SYNPR: variants seen among roughly 807,000 people sequenced by gnomAD.
The protein encoded by SYNPR is synaptoporin.
In SYNPR, 23 loss-of-function variants were observed where a neutral mutation model predicts 32.9. The observed-to-expected ratio is 0.70, with a 90% CI of 0.50 to 0.99. SYNPR has a LOEUF of 0.99. Among genes scored for constraint, SYNPR ranks in the 50% least tolerant of loss-of-function variants. SYNPR has a pLI of 0.00. For missense variants in SYNPR, 318 were observed against 349.3 expected, an observed-to-expected ratio of 0.91 and a Z score of 0.71; for synonymous variants, 146 against 135.9, an observed-to-expected ratio of 1.07 and a Z score of -0.52.
chr3:63,298,291 G>T, intron 2 of SYNPR, among the ~76,000 whole-genome samples: 1 of 152,100 alleles, frequency 6.6e-6, no homozygotes, highest in East Asian at 1.9e-4. Context: ...TGCAAAGGTG[G>T]TTTCATCTTC....
At chr3:63,416,356 C>A (rs2088538578) in intron 2 of SYNPR, among the ~76,000 whole-genome samples, 1 of 151,894 alleles carries the variant, frequency 6.6e-6, no homozygotes, top group African/African-American at 2.4e-5. Context: ...CATGGTGAAA[C>A]CCTGCCTCTA....
In SYNPR at chr3:63,498,225, T is replaced by C. The variant is rs1171767806; in HGVS notation, c.209+17269T>C. On this transcript the variant is annotated intron_variant, in intron 3 of 5. Transcript: ENST00000478300. ...CCATCTTAGCTAATTGGATGGGAGG[T>C]GGGCACTAATTTATCAGCCAGTCAA... is the stretch of plus-strand genomic sequence containing the variant. Among the ~76,000 whole-genome samples the C allele has an allele frequency of 2.6e-5, 4 of 152,046 alleles. No individual in the cohort carries two copies. The East Asian group carries it at 7.7e-4, about 29-fold the overall frequency.
At chr3:63,256,180 G>A (rs1260783406) in intron 2 of SYNPR, among the ~76,000 whole-genome samples, 4 of 152,218 alleles carry the variant, frequency 2.6e-5, no homozygotes, top group Non-Finnish European at 1.5e-5. Flanking sequence ...AGAAACCTCT[G>A]TAGACTTAAA....
intron 2 of SYNPR, among the ~76,000 whole-genome samples, chr3:63,363,127 T>C (rs906670830): frequency 6.6e-6 from 1 of 152,206 alleles, no homozygotes; most frequent in Non-Finnish European, 1.5e-5. Flanking sequence ...GAAGCCAGCA[T>C]TATTTCCCAT....
At chr3:63,301,710 A>G (rs1003227650) in intron 2 of SYNPR, among the ~76,000 whole-genome samples, 1 of 152,084 alleles carries the variant, frequency 6.6e-6, no homozygotes, top group Admixed American at 6.6e-5. Flanking sequence ...TGATTTAATG[A>G]GTAGAGTTGA....
At chr3:63,576,500 C>T (rs1033418885) in intron 4 of SYNPR, among the ~76,000 whole-genome samples, 2 of 151,906 alleles carry the variant, frequency 1.3e-5, no homozygotes, top group East Asian at 1.9e-4. Context: ...ATAGAAAACA[C>T]GTTATCTGGG....
At chr3:63,311,912 A>T (rs1355141834) in intron 2 of SYNPR, among the ~76,000 whole-genome samples, 1 of 152,022 alleles carries the variant, frequency 6.6e-6, no homozygotes, top group Non-Finnish European at 1.5e-5. Context: ...GACCTAAGAC[A>T]TACCCATCCT....
intron 3 of SYNPR, among the ~76,000 whole-genome samples, chr3:63,494,421 A>ATATATATATATACGTATATATATATACG (rs1701322674): frequency 2.4e-4 from 5 of 20,886 alleles, no homozygotes; most frequent in Non-Finnish European, 4.5e-4. Context: ...ATATATACGT[A>ATATATATATATACGTATATATATATACG]TATATATATA....
At chr3:63,309,444 A>G (rs1185120997) in intron 2 of SYNPR, among the ~76,000 whole-genome samples, 2 of 152,042 alleles carry the variant, frequency 1.3e-5, no homozygotes, top group Admixed American at 6.6e-5. Flanking sequence ...ATGTTAAAAA[A>G]TTTCTATGAA....
chr3:63,407,253 T>C (rs2088371962), intron 2 of SYNPR, among the ~76,000 whole-genome samples: 1 of 152,226 alleles, frequency 6.6e-6, no homozygotes, highest in Non-Finnish European at 1.5e-5. Context: ...GGTAACACTG[T>C]GTCCAATTGA....
At chr3:63,239,824 C>G (rs1018986174) in intron 1 of SYNPR, among the ~76,000 whole-genome samples, 2 of 151,588 alleles carry the variant, frequency 1.3e-5, no homozygotes, top group African/African-American at 4.8e-5. Context: ...GTGTCACACA[C>G]CCACCTTACC....
intron 1 of SYNPR, among the ~76,000 whole-genome samples, chr3:63,240,151 T>G (rs1482432329): frequency 6.6e-6 from 1 of 152,084 alleles, no homozygotes; most frequent in African/African-American, 2.4e-5. Context: ...TAAAACACAT[T>G]AGAGACTTAA....
At chr3:63,454,711 C>A (rs893772349) in intron 2 of SYNPR, among the ~76,000 whole-genome samples, 24 of 151,920 alleles carry the variant, frequency 1.6e-4, no homozygotes, top group Non-Finnish European at 3.2e-4. Context: ...GAAAACCTCC[C>A]ATAAAACAAA....
chr3:63,431,253 A>G (rs1267477970), intron 2 of SYNPR, among the ~76,000 whole-genome samples: 1 of 152,206 alleles, frequency 6.6e-6, no homozygotes, highest in Non-Finnish European at 1.5e-5. Flanking sequence ...AGAAGAAAAC[A>G]CTAGAAATCA....
chr3:63,242,701 A>C (rs2086257519), intron 1 of SYNPR, among the ~76,000 whole-genome samples: 6 of 152,120 alleles, frequency 3.9e-5, no homozygotes, highest in Admixed American at 3.9e-4. Flanking sequence ...GATTCAAAAC[A>C]TGAAAGGAAG....
At chr3:63,510,585 A>C (rs890978459) in intron 3 of SYNPR, among the ~76,000 whole-genome samples, 2 of 152,166 alleles carry the variant, frequency 1.3e-5, no homozygotes, top group Non-Finnish European at 2.9e-5. Flanking sequence ...TGAGGCCATA[A>C]AGGTTAAATC....
intron 1 of SYNPR, among the ~76,000 whole-genome samples, chr3:63,251,624 T>G (rs1334522970): frequency 6.6e-6 from 1 of 152,244 alleles, no homozygotes; most frequent in South Asian, 2.1e-4. Context: ...ATTCCCTGTG[T>G]CTGAGAGCAA....
In SYNPR at chr3:63,440,764, AG is replaced by A. The variant is rs1277277239; in HGVS notation, c.85-40067del. Among the ~76,000 whole-genome samples the A allele has an allele frequency of 2.6e-5, 4 of 152,180 alleles. No homozygotes were observed. In the East Asian group the frequency reaches 5.8e-4, roughly 22 times the overall value. ...GAGACGTGGACAAATTCTGGGACAC[AG>A]CCAGGGTCACAGAGCAAACCGCTAG... On this transcript the variant is annotated intron_variant, in intron 2 of 5. Transcript: ENST00000478300.
chr3:63,402,339 C>T (rs188026651), intron 2 of SYNPR, among the ~76,000 whole-genome samples: 30 of 152,070 alleles, frequency 2.0e-4, no homozygotes, highest in Admixed American at 5.9e-4. Context: ...AAGGGTAGAA[C>T]GGGGAGAGGC....
Sources: allele counts gnomAD v4.1 joint callset (sites outside exome capture counted in the v4.1 genomes callset), GRCh38; gene constraint gnomAD v4.1.1; transcripts MANE v1.5; gene names NCBI Gene and HGNC (gene_info 2026-07-23, HGNC 2026-07-21).